Variants in ERC1 observed in about 807,000 individuals in gnomAD.
The protein encoded by ERC1 is RAB6 interacting protein 2.
Under a neutral mutation model 132.0 loss-of-function variants are expected in ERC1, and 56 were observed. That is an observed-to-expected ratio of 0.42 (90% CI 0.34 to 0.53). ERC1 has a LOEUF of 0.53. Among genes scored for constraint, ERC1 ranks in the 20% least tolerant of loss-of-function variants. The pLI is 0.03. For missense variants in ERC1, 1,202 were observed against 1,349.9 expected (o/e 0.89, Z 1.72); for synonymous variants, 478 against 476.1 (o/e 1.00, Z -0.05).
Position 1,440,600 on chromosome 12 carries a change from T to TTGTGTG in ERC1, c.3025-3899_3025-3894dup, listed in dbSNP as rs56749397. 6.0e-3 allele frequency among the ~76,000 whole-genome samples: 308 copies of TTGTGTG among 51,142 alleles called. 13 individuals carry two copies. Among genetic ancestry groups the TTGTGTG allele is most frequent in the East Asian group, 0.011 (17 of 1,526 alleles). The allele number at this position is 51,142 out of a possible 152,430, so 33.6% of individuals were successfully genotyped here. A position where few individuals can be genotyped will look rare whatever the true frequency, so the allele number is the denominator to read the frequency against. On this transcript the variant is annotated intron_variant, in intron 17 of 18. Transcript: ENST00000360905. ...TAAGCAATCCCCCTGCCTCAGCCTT[T>TTGTGTG]TGTGTGTGTGTGTGTGTGTGTGTGT...
rs56939346 is a variant in ERC1, at chr12:1,493,548, A to AAAAAATATATATATATATATATAT, written c.*3319_*3320insAAAATATATATATATATATATATA. 2.2e-4 allele frequency: 3 copies of AAAAAATATATATATATATATATAT among 13,622 alleles called. No individual in the cohort carries two copies. Among genetic ancestry groups the AAAAAATATATATATATATATATAT allele is most frequent in the African/African-American group, 2.2e-4 (1 of 4,564 alleles). The allele number at this position is 13,622 out of a possible 1,614,324, so 0.8% of individuals were successfully genotyped here. On this transcript the variant is annotated 3_prime_UTR_variant, in exon 19 of 19. Coordinates refer to ENST00000360905, the MANE Select transcript of ERC1 (RefSeq NM_178040.4). Reference sequence around the variant, plus strand: ...ACTCCATTTAAAAAAAAAAAAAAAAAATATATATATATATATATATATATA... The same window carrying AAAAAATATATATATATATATATAT: ...ACTCCATTTAAAAAAAAAAAAAAAAAAAAAATATATATATATATATATATATATATATATATATATATATATATA...
At position 1,495,629 on chromosome 12, in the gene ERC1, G is replaced by A. The variant is rs1344427484; in HGVS notation, c.*5399G>A. On this transcript the variant is annotated 3_prime_UTR_variant, in exon 19 of 19. Transcript: ENST00000360905. Reference sequence around the variant, plus strand: ...GGGGCCTGTGACTGCTCCCTGATGCGTCAGAAGAGAAGTGTTGCACTTTAG... The same window carrying A: ...GGGGCCTGTGACTGCTCCCTGATGCATCAGAAGAGAAGTGTTGCACTTTAG... 6.2e-5 allele frequency: 14 copies of A among 226,634 alleles called. No individual in the cohort carries two copies. Among genetic ancestry groups the A allele is most frequent in the African/African-American group, 1.6e-4 (7 of 44,984 alleles). The allele number at this position is 226,634 out of a possible 1,614,324, so 14.0% of individuals were successfully genotyped here.
intron 3 of ERC1, among the ~76,000 whole-genome samples, chr12:1,100,517 G>C (rs565827347): frequency 6.6e-6 from 1 of 152,236 alleles, no homozygotes; most frequent in African/African-American, 2.4e-5. Flanking sequence ...CCAGGCAAAA[G>C]ATAATGGTGG....
At chr12:1,339,038 C>T (rs576803234) in intron 15 of ERC1, among the ~76,000 whole-genome samples, 1 of 152,254 alleles carries the variant, frequency 6.6e-6, no homozygotes, top group Non-Finnish European at 1.5e-5. Flanking sequence ...ATGCCAGCAA[C>T]AGCAGCAGCG....
chr12:1,045,330 TA>T (rs1350958442), intron 2 of ERC1, among the ~76,000 whole-genome samples: 3 of 152,078 alleles, frequency 2.0e-5, no homozygotes, highest in Admixed American at 2.0e-4. Context: ...TTGTATCCTT[TA>T]AAAAATAGTG....
At chr12:1,420,644 A>T (rs989474941) in intron 17 of ERC1, among the ~76,000 whole-genome samples, 1 of 151,928 alleles carries the variant, frequency 6.6e-6, no homozygotes, top group Admixed American at 6.6e-5. Context: ...TTTAGTAGAG[A>T]TGGGGCTTCA....
chr12:1,121,560 A>C (rs1190577459), intron 7 of ERC1, among the ~76,000 whole-genome samples: 1 of 152,214 alleles, frequency 6.6e-6, no homozygotes, highest in Non-Finnish European at 1.5e-5. Flanking sequence ...TGATCTCTTC[A>C]TTCAACACGG....
intron 16 of ERC1, among the ~76,000 whole-genome samples, chr12:1,383,640 A>C (rs574410200): frequency 6.6e-6 from 1 of 152,204 alleles, no homozygotes; most frequent in East Asian, 1.9e-4. Context: ...TCACACACAC[A>C]CAAAAAAAGC....
chr12:1,357,785 C>T (rs1040013865), intron 15 of ERC1, among the ~76,000 whole-genome samples: 1 of 152,164 alleles, frequency 6.6e-6, no homozygotes, highest in African/African-American at 2.4e-5. Flanking sequence ...AGACCATCTC[C>T]AGATGTTACT....
chr12:1,126,370 TAGTC>T (rs72094777), intron 7 of ERC1, among the ~76,000 whole-genome samples: 92,780 of 151,358 alleles, frequency 0.61, 30,704 homozygotes, highest in East Asian at 0.87. Context: ...TGTGGAGAGA[TAGTC>T]AGTCATAAAC....
rs1399306455 is a variant in ERC1 at position 1,495,752 on chromosome 12, T to C, written c.*5522T>C. The C allele has an allele frequency of 4.5e-6, 1 of 222,988 alleles. No individual in the cohort carries two copies. The highest frequency in any genetic ancestry group is 2.2e-5 in the African/African-American group (1 of 44,724). The allele number at this position is 222,988 out of a possible 1,614,324, so 13.8% of individuals were successfully genotyped here. ...GTGTCTGGGATGCACGTGCACCCGCTGCCTTCAGCTGTATGTGTGTGTTCC... is the reference window on the plus strand; with the variant it reads ...GTGTCTGGGATGCACGTGCACCCGCCGCCTTCAGCTGTATGTGTGTGTTCC... On this transcript the variant is annotated 3_prime_UTR_variant, in exon 19 of 19. Transcript: ENST00000360905.
At chr12:1,470,874 A>G (rs905365743) in intron 18 of ERC1, among the ~76,000 whole-genome samples, 3 of 152,212 alleles carry the variant, frequency 2.0e-5, no homozygotes, top group African/African-American at 7.2e-5. Flanking sequence ...TCCACACAGA[A>G]GGGTAACTGG....
intron 14 of ERC1, among the ~76,000 whole-genome samples, chr12:1,281,604 CAGT>C (rs759082601): frequency 6.6e-5 from 10 of 152,238 alleles, no homozygotes; most frequent in Non-Finnish European, 1.2e-4. Context: ...TATGTGTACC[CAGT>C]AGATCATTAA....
At chr12:1,325,352 T>C (rs555323284) in intron 15 of ERC1, among the ~76,000 whole-genome samples, 1 of 152,288 alleles carries the variant, frequency 6.6e-6, no homozygotes, top group Non-Finnish European at 1.5e-5. Context: ...AGTTTCGAGG[T>C]TGAAAAAATG....
chr12:1,407,379 C>A (rs1456972672), intron 16 of ERC1, among the ~76,000 whole-genome samples: 1 of 151,990 alleles, frequency 6.6e-6, no homozygotes, highest in Non-Finnish European at 1.5e-5. Flanking sequence ...TTTATTGAGA[C>A]CCTGTCTCTA....
rs532769568 is a variant in ERC1, at chr12:1,423,383, A to G, written c.3024+15136A>G. 5.3e-5 allele frequency among the ~76,000 whole-genome samples: 8 copies of G among 152,304 alleles called. No individual in the cohort carries two copies. In the South Asian group the frequency reaches 1.7e-3, roughly 32 times the overall value. The stretch of plus-strand genomic sequence containing the variant: ...CTCAAATAAACTCTTTAAAATTTTA[A>G]CGTGCCTTTGTTTATCTTTTAACAG... On this transcript the variant is annotated intron_variant, in intron 17 of 18. Coordinates refer to ENST00000360905, the MANE Select transcript of ERC1 (RefSeq NM_178040.4).
rs920728524 is a variant in ERC1 at position 1,494,820 on chromosome 12, C to T, written c.*4590C>T. ...GTTGTAGAAATGAAAAATTAAACAGCTGTGTTTTAAAAATGCAAACCAATA... is the reference window on the plus strand; with the variant it reads ...GTTGTAGAAATGAAAAATTAAACAGTTGTGTTTTAAAAATGCAAACCAATA... On this transcript the variant is annotated 3_prime_UTR_variant, in exon 19 of 19. Coordinates refer to ENST00000360905, the MANE Select transcript of ERC1 (RefSeq NM_178040.4). The T allele has an allele frequency of 1.7e-5, 4 of 230,130 alleles. No homozygotes were observed. Among genetic ancestry groups the T allele is most frequent in the African/African-American group, 8.9e-5 (4 of 45,178 alleles). 14.3% of individuals were successfully genotyped at this position (230,130 alleles called of 1,614,324 possible).
intron 12 of ERC1, chr12:1,204,093 T>C (rs1002828897): frequency 1.2e-5 from 2 of 161,498 alleles, no homozygotes; most frequent in African/African-American, 4.8e-5. Flanking sequence ...TAGTTAGTTA[T>C]AAGGTGGGTG....
intron 14 of ERC1, among the ~76,000 whole-genome samples, chr12:1,269,486 G>A (rs1245526143): frequency 1.3e-5 from 2 of 152,126 alleles, no homozygotes; most frequent in African/African-American, 4.8e-5. Context: ...AAGCTATGCA[G>A]GGCCTTTTAT....
Sources: allele counts gnomAD v4.1 joint callset (sites outside exome capture counted in the v4.1 genomes callset), GRCh38; gene constraint gnomAD v4.1.1; transcripts MANE v1.5; gene names NCBI Gene and HGNC (gene_info 2026-07-23, HGNC 2026-07-21).